Variants in RNF19B observed in about 807,000 individuals in gnomAD.
RNF19B encodes ring finger protein 19B.
Under a neutral mutation model 65.5 loss-of-function variants are expected in RNF19B, and 23 were observed. The ratio of observed to expected loss-of-function variants is 0.35; its 90% CI spans 0.25 to 0.50. RNF19B has a LOEUF of 0.50. RNF19B is among the 20% of genes least tolerant of loss of function. The pLI, the probability that RNF19B is intolerant of heterozygous loss-of-function variation, is 0.98. For synonymous variants in RNF19B, 372 were observed against 379.6 expected (o/e 0.98, Z 0.23); for missense variants, 794 against 980.0 (o/e 0.81, Z 2.53).
At chr1:32,958,695 G>A (rs1012690743) in intron 1 of RNF19B, among the ~76,000 whole-genome samples, 2 of 151,584 alleles carry the variant, frequency 1.3e-5, no homozygotes, top group African/African-American at 4.9e-5. Flanking sequence ...CAGCCTGCCT[G>A]GGCAACAGAG....
rs1642348980 is a variant in RNF19B at position 32,945,625 on chromosome 1, G to A, written c.1150C>T (p.His384Tyr). Residue 384 changes from histidine to tyrosine, a missense_variant, in exon 5 of 9, where the codon CAC becomes TAC. His to Tyr is a moderately conservative substitution (Grantham distance 83). Transcript: ENST00000235150. ...GIPVYVGRKI[H>Y]SRYEGRKTSK... The stretch of plus-strand genomic sequence containing the variant: ...GTTTTCCTTCCCTCATACCTGCTGT[G>A]AATCTAAGAATAAAAAAAGAAAATC... 2 of 1,591,022 alleles carry A rather than the reference G, an allele frequency of 1.3e-6. No homozygotes were observed. Among genetic ancestry groups the A allele is most frequent in the African/African-American group, 2.7e-5 (2 of 74,466 alleles).
rs1371927123 is a variant in RNF19B, at chr1:32,964,179, T to C, written c.507A>G (p.Arg169=). 6.5e-7 allele frequency: 1 copy of C among 1,545,944 alleles called. No individual in the cohort carries two copies. The highest frequency in any genetic ancestry group is 8.7e-7 in the Non-Finnish European group (1 of 1,145,082). ...VPISCPECSE[R]LNPHDIRLLL... ...GCAAGCGGATGTCGTGCGGGTTGAG[T>C]CGCTCGCTGCACTCGGGGCAGCTGA... is the stretch of plus-strand genomic sequence containing the variant. The change falls in exon 1 of 9, where the codon CGA becomes CGG. Residue 169 remains arginine (R), a synonymous_variant. Coordinates refer to ENST00000235150, the MANE Select transcript of RNF19B (RefSeq NM_001300826.2). The surrounding 1 kb of genome is among the most constrained non-coding windows in gnomAD (Gnocchi z 6.5).
In RNF19B at chr1:32,948,319, T is replaced by C; in HGVS notation, c.886A>G (p.Met296Val). The C allele has an allele frequency of 6.2e-7, 1 of 1,614,136 alleles. No homozygotes were observed. The highest frequency in any genetic ancestry group is 8.5e-7 in the Non-Finnish European group (1 of 1,179,994). The change falls in exon 3 of 9, where the codon ATG (methionine) becomes GTG (valine). Residue 296 changes from methionine (M) to valine (V), a missense_variant. Physicochemically the swap from Met to Val is conservative, Grantham distance 21. Around this residue, in one of 3 missense-constraint regions of RNF19B, gnomAD observed 52 missense variants for 108.8 expected, o/e 0.48. Transcript: ENST00000235150. ...CPRCSAYIIK[M>V]NDGSCNHMTC... The stretch of plus-strand genomic sequence containing the variant: ...ATGTGATTACAGCTTCCATCATTCA[T>C]CTTGATAATGTATGCACTGCATCGT...
chr1:32,938,315 T>TAAC (rs1216883859), intron 8 of RNF19B, 82 bp downstream of exon 8: 2 of 1,450,134 alleles, frequency 1.4e-6, no homozygotes, highest in East Asian at 4.5e-5. Flanking sequence ...CATACAGCCC[T>TAAC]AACATGAGGC....
In RNF19B at chr1:32,964,022, C is replaced by T; in HGVS notation, c.635+29G>A. On this transcript the variant is annotated intron_variant, in intron 1 of 8. Transcript: ENST00000235150. The surrounding 1 kb of genome is among the most constrained non-coding windows in gnomAD (Gnocchi z 6.5). ...GCCACGCCCCTCGGCTGCAGCCCGCCGCCACCCGCGCCACGCCCCCGCGCT... is the reference window on the plus strand; with the variant it reads ...GCCACGCCCCTCGGCTGCAGCCCGCTGCCACCCGCGCCACGCCCCCGCGCT... 1.4e-6 allele frequency: 2 copies of T among 1,411,734 alleles called. No individual in the cohort carries two copies. Among genetic ancestry groups the T allele is most frequent in the Middle Eastern group, 1.9e-4 (1 of 5,346 alleles). The allele number at this position is 1,411,734 out of a possible 1,614,324, so 87.5% of individuals were successfully genotyped here.
chr1:32,947,297 TTTTG>T (rs371125612), intron 3 of RNF19B, among the ~76,000 whole-genome samples: 126 of 152,374 alleles, frequency 8.3e-4, no homozygotes, highest in African/African-American at 3.0e-3. Context: ...TATTAACACA[TTTTG>T]TTTATTTGTA....
At chr1:32,963,659 A>C (rs1642824950) in intron 1 of RNF19B, among the ~76,000 whole-genome samples, 1 of 151,066 alleles carries the variant, frequency 6.6e-6, no homozygotes, top group Admixed American at 6.6e-5. Context: ...CGGAGGTTGC[A>C]GTGAGCCGAG....
chr1:32,937,994 G>A (rs1454128072), intron 8 of RNF19B, among the ~76,000 whole-genome samples: 1 of 151,912 alleles, frequency 6.6e-6, no homozygotes, highest in East Asian at 1.9e-4. Flanking sequence ...AGATACACCA[G>A]TTTCTCAAAA....
downstream of RNF19B, among the ~76,000 whole-genome samples, chr1:32,935,121 C>A (rs559155701): frequency 2.0e-5 from 3 of 150,348 alleles, no homozygotes; most frequent in African/African-American, 7.4e-5. Context: ...TGAACCACTG[C>A]GCCCAGCCCA....
In RNF19B at chr1:32,946,483, A is replaced by G. The variant is rs1642369890; in HGVS notation, c.1065T>C (p.Gly355=). ...KILWQLGTLI[G]APVGISLIAG... ...CAATGAGAGAAATCCCCACTGGAGC[A>G]CCAATCAACGTGCCCAGCTGCCAAA... The change falls in exon 4 of 9, where the codon GGT becomes GGC. Residue 355 remains glycine (G), a synonymous_variant. Coordinates refer to ENST00000235150, the MANE Select transcript of RNF19B (RefSeq NM_001300826.2). The G allele has an allele frequency of 1.9e-6, 3 of 1,614,134 alleles. 1 individual carries two copies. In the South Asian group the frequency reaches 3.3e-5, roughly 18 times the overall value.
chr1:32,959,879 T>G (rs1050152668), intron 1 of RNF19B, among the ~76,000 whole-genome samples: 1 of 47,966 alleles, frequency 2.1e-5, no homozygotes, highest in East Asian at 4.7e-4. Context: ...CTACTAAAAA[T>G]ACAAAAAAAA....
At chr1:32,953,612 G>C (rs1425107165) in intron 1 of RNF19B, among the ~76,000 whole-genome samples, 1 of 152,048 alleles carries the variant, frequency 6.6e-6, no homozygotes. Flanking sequence ...GAACAGGTCA[G>C]TCTATGAATG....
intron 1 of RNF19B, among the ~76,000 whole-genome samples, chr1:32,951,920 G>A (rs1272902090): frequency 6.7e-5 from 10 of 148,860 alleles, no homozygotes; most frequent in Non-Finnish European, 1.2e-4. Context: ...TCAGCCTCCC[G>A]AGTAGCTGGG....
chr1:32,935,318 A>G (rs1465968118), downstream of RNF19B, among the ~76,000 whole-genome samples: 1 of 149,748 alleles, frequency 6.7e-6, no homozygotes, highest in Non-Finnish European at 1.5e-5. Flanking sequence ...CTGTATTTTT[A>G]GTAGAAACGG....
the RNF19B span, among the ~76,000 whole-genome samples, chr1:32,931,155 T>C: frequency 6.6e-6 from 1 of 152,182 alleles, no homozygotes; most frequent in Non-Finnish European, 1.5e-5. Flanking sequence ...TACCCCCATA[T>C]TGATAAATTC....
In RNF19B at chr1:32,956,813, T is replaced by G. The variant is rs945508274; in HGVS notation, c.636-7039A>C. 7.9e-5 allele frequency among the ~76,000 whole-genome samples: 12 copies of G among 152,192 alleles called. 1 individual carries two copies. Among genetic ancestry groups the G allele is most frequent in the Admixed American group, 7.9e-4 (12 of 15,276 alleles). The stretch of plus-strand genomic sequence containing the variant: ...GTGGTTAAAGAAATGTGTTCCTATA[T>G]TATGTCTGTACTTTCCATCCCCAAG... On this transcript the variant is annotated intron_variant, in intron 1 of 8. Coordinates refer to ENST00000235150, the MANE Select transcript of RNF19B (RefSeq NM_001300826.2).
the RNF19B span, among the ~76,000 whole-genome samples, chr1:32,929,573 T>C: frequency 6.6e-6 from 1 of 152,182 alleles, no homozygotes. Flanking sequence ...TAAGCACACA[T>C]GCATAGTTAC....
chr1:32,950,279 T>C (rs558778690), intron 1 of RNF19B, among the ~76,000 whole-genome samples: 111 of 152,044 alleles, frequency 7.3e-4, no homozygotes, highest in African/African-American at 2.6e-3. Flanking sequence ...GGCTATAAAT[T>C]TCTTGAGATT....
At chr1:32,940,084 G>A (rs1642197973) in intron 7 of RNF19B, among the ~76,000 whole-genome samples, 1 of 152,204 alleles carries the variant, frequency 6.6e-6, no homozygotes, top group Non-Finnish European at 1.5e-5. Context: ...CTTCAAAAAT[G>A]TGCCAAGGCC....
Sources: allele counts gnomAD v4.1 joint callset (sites outside exome capture counted in the v4.1 genomes callset), GRCh38; gene constraint gnomAD v4.1.1; regional missense constraint gnomAD v4.1.1; non-coding constraint Gnocchi (gnomAD v3.1); transcripts MANE v1.5; gene names NCBI Gene and HGNC (gene_info 2026-07-23, HGNC 2026-07-21).